SLC27A4: variants seen among roughly 807,000 people sequenced by gnomAD.
SLC27A4 encodes the protein solute carrier family 27 member 4.
In SLC27A4, 33 loss-of-function variants were observed where a neutral mutation model predicts 64.4. The observed-to-expected ratio is 0.51, with a 90% confidence interval of 0.39 to 0.68. The LOEUF (loss-of-function observed/expected upper bound fraction) is 0.68, where lower values mean the gene tolerates loss of function less well. Among genes scored for constraint, SLC27A4 ranks in the 30% least tolerant of loss-of-function variants. The pLI is 0.00. For missense variants in SLC27A4, 824 were observed against 883.5 expected, an observed-to-expected ratio of 0.93 and a Z score of 0.85; for synonymous variants, 377 against 370.0, an observed-to-expected ratio of 1.02 and a Z score of -0.22.
chr9:128,357,243 CAG>C (rs954315338), intron 12 of SLC27A4, among the ~76,000 whole-genome samples: 1 of 124,236 alleles, frequency 8.0e-6, no homozygotes, highest in Non-Finnish European at 1.6e-5. Flanking sequence ...GCCTGGGAGA[CAG>C]AGTGAGACTC....
rs1832766890 is a variant in SLC27A4 at position 128,353,413 on chromosome 9, A to G, written c.1198-2A>G. On this transcript the variant is annotated splice_acceptor_variant, in intron 8 of 12. Transcript: ENST00000300456. LOFTEE classifies it high-confidence loss of function. This position sits in a 1 kb window ranked among gnomAD's most constrained non-coding sequence, Gnocchi z 4.9. ...CCCAGGCCCAAGTCTTGGCCTTCGC[A>G]GGTGGGGGCCTGTGGTTTCAATAGC... 6.2e-7 allele frequency: 1 copy of G among 1,614,014 alleles called. No homozygotes were observed. The highest frequency in any genetic ancestry group is 1.3e-5 in the African/African-American group (1 of 74,884).
At position 128,342,735 on chromosome 9, in the gene SLC27A4, T is replaced by A. The variant is rs536424785; in HGVS notation, c.-6-392T>A. ...TAATTATTGGAATGCACAGTTTTTT[T>A]AATATGCAAATAAAAAGTTTAAAAA... On this transcript the variant is annotated intron_variant, in intron 1 of 12. Coordinates refer to ENST00000300456, the MANE Select transcript of SLC27A4 (RefSeq NM_005094.4). The A allele has an allele frequency of 1.5e-4, 51 of 338,388 alleles. 1 individual carries two copies. The South Asian group carries it at 1.6e-3, about 10-fold the overall frequency. The allele number at this position is 338,388 out of a possible 1,614,324, so 21.0% of individuals were successfully genotyped here.
At position 128,355,863 on chromosome 9, in the gene SLC27A4, G is replaced by A. The variant is rs527777045; in HGVS notation, c.1774+67G>A. ...TTCCCGTTTCCTTCTGGAGAGACCC[G>A]GTTGGCTGTTACTTGACCTCTGCAC... On this transcript the variant is annotated intron_variant, in intron 12 of 12. Transcript: ENST00000300456. The A allele has an allele frequency of 4.5e-5, 72 of 1,601,376 alleles. No individual in the cohort carries two copies. The Admixed American group carries it at 6.2e-4, about 14-fold the overall frequency.
In SLC27A4 at chr9:128,343,190, C is replaced by G. The variant is rs374100993; in HGVS notation, c.58C>G (p.Leu20Val). ...GCTGTTCTCCAAGCTGGTGCTGAAA[C>G]TGCCCTGGACCCAGGTGGGATTCTC... ...VLLFSKLVLK[L>V]PWTQVGFSLL... The change falls in exon 2 of 13, where the codon CTG (leucine) becomes GTG (valine). Residue 20 changes from leucine to valine, a missense_variant. By Grantham distance (32) the Leu-to-Val change is conservative. Transcript: ENST00000300456. The G allele has an allele frequency of 1.7e-5, 27 of 1,614,062 alleles. No homozygotes were observed. The African/African-American group carries it at 3.1e-4, about 18-fold the overall frequency.
At position 128,348,580 on chromosome 9, in the gene SLC27A4, C is replaced by G; in HGVS notation, c.592C>G (p.Leu198Val). The change falls in exon 4 of 13, where the codon CTC becomes GTC. Residue 198 changes from leucine (L) to valine (V), a missense_variant. Coordinates refer to ENST00000300456, the MANE Select transcript of SLC27A4 (RefSeq NM_005094.4). ...CEVHASLDPS[L>V]SLFCSGSWEP... Reference sequence around the variant, plus strand: ...GGTCCATGCCAGCCTGGACCCCTCGCTCAGCCTCTTCTGCTCTGGCTCCTG... The same window carrying G: ...GGTCCATGCCAGCCTGGACCCCTCGGTCAGCCTCTTCTGCTCTGGCTCCTG... 1 of 1,613,532 alleles carries G rather than the reference C, an allele frequency of 6.2e-7. No individual in the cohort carries two copies. The highest frequency in any genetic ancestry group is 8.5e-7 in the Non-Finnish European group (1 of 1,180,022).
intron 3 of SLC27A4, among the ~76,000 whole-genome samples, chr9:128,347,637 G>A (rs1832675587): frequency 6.7e-6 from 1 of 148,612 alleles, no homozygotes; most frequent in East Asian, 2.0e-4. Flanking sequence ...TGAGGCACAA[G>A]AATCACTTGA....
Position 128,344,460 on chromosome 9 carries a change from A to G in SLC27A4, c.162-695A>G, listed in dbSNP as rs117982161. Among the ~76,000 whole-genome samples, 572 of 152,214 alleles carry G rather than the reference A, an allele frequency of 3.8e-3. 18 individuals are homozygous for G. The East Asian group carries it at 0.086, about 23-fold the overall frequency. ...TTTGAGCCTGGGAAGTGGAGGTTGC[A>G]ATGAGCTGACATTGCATCACTGCAC... is the stretch of plus-strand genomic sequence containing the variant. On this transcript the variant is annotated intron_variant, in intron 2 of 12. Transcript: ENST00000300456.
rs367871179 is a variant in SLC27A4, at chr9:128,353,454, G to A, written c.1237G>A (p.Val413Met). The change falls in exon 9 of 13, where the codon GTG becomes ATG. Residue 413 changes from valine to methionine, a missense_variant. Physicochemically the swap from Val to Met is conservative, Grantham distance 21 (BLOSUM62 1). Coordinates refer to ENST00000300456, the MANE Select transcript of SLC27A4 (RefSeq NM_005094.4). The surrounding 1 kb of genome is among the most constrained non-coding windows in gnomAD (Gnocchi z 4.9). ...TTTCAATAGCCGCATCCTGTCCTTC[G>A]TGTACCCCATCCGGTTGGTACGTGT... ...CGFNSRILSFVYPIRLVRVNE... is the reference protein window; with the variant it reads ...CGFNSRILSFMYPIRLVRVNE... 1.5e-4 allele frequency: 245 copies of A among 1,613,968 alleles called. No individual in the cohort carries two copies. The highest frequency in any genetic ancestry group is 2.9e-4 in the East Asian group (13 of 44,868).
In SLC27A4 at chr9:128,345,522, C is replaced by G. The variant is rs1832643941; in HGVS notation, c.529C>G (p.Leu177Val). The change falls in exon 3 of 13, where the codon CTT becomes GTT. Residue 177 changes from leucine (L) to valine (V), a missense_variant. Leu to Val is a conservative substitution (Grantham distance 32, BLOSUM62 1). Transcript: ENST00000300456. This position sits in a 1 kb window ranked among gnomAD's most constrained non-coding sequence, Gnocchi z 4.1. The stretch of plus-strand genomic sequence containing the variant: ...CCTCACCACCTCGCGCGCACGGGCC[C>G]TTGTCTTTGGCAGCGAAATGGCCTC... ...HCLTTSRARALVFGSEMASAI... is the reference protein window; with the variant it reads ...HCLTTSRARAVVFGSEMASAI... The G allele has an allele frequency of 6.2e-7, 1 of 1,608,288 alleles. No individual in the cohort carries two copies. The highest frequency in any genetic ancestry group is 8.5e-7 in the Non-Finnish European group (1 of 1,178,008).
At chr9:128,354,805 T>C (rs145966060) in intron 9 of SLC27A4, among the ~76,000 whole-genome samples, 2 of 151,306 alleles carry the variant, frequency 1.3e-5, no homozygotes, top group African/African-American at 4.9e-5. Flanking sequence ...AAAAAAAAAT[T>C]AGCTGGGCCT....
At chr9:128,360,079 C>G (rs974812804) in intron 12 of SLC27A4, among the ~76,000 whole-genome samples, 1 of 152,228 alleles carries the variant, frequency 6.6e-6, no homozygotes, top group African/African-American at 2.4e-5. Flanking sequence ...GGCAAATAGC[C>G]TCCCTTCTCC....
At position 128,348,566 on chromosome 9, in the gene SLC27A4, G is replaced by A; in HGVS notation, c.578G>A (p.Ser193Asn). The A allele has an allele frequency of 1.2e-6, 2 of 1,613,264 alleles. No individual in the cohort carries two copies. Among genetic ancestry groups the A allele is most frequent in the Non-Finnish European group, 1.7e-6 (2 of 1,180,038 alleles). ...MASAICEVHA[S>N]LDPSLSLFCS... ...ACAGCCATCTGTGAGGTCCATGCCA[G>A]CCTGGACCCCTCGCTCAGCCTCTTC... The change falls in exon 4 of 13, where the codon AGC (serine) becomes AAC (asparagine). Residue 193 changes from serine to asparagine, a missense_variant. By Grantham distance (46) the Ser-to-Asn change is conservative (BLOSUM62 1). Coordinates refer to ENST00000300456, the MANE Select transcript of SLC27A4 (RefSeq NM_005094.4).
intron 4 of SLC27A4, among the ~76,000 whole-genome samples, chr9:128,349,317 C>T (rs1196256707): frequency 2.0e-5 from 3 of 152,166 alleles, no homozygotes; most frequent in Admixed American, 2.0e-4. Context: ...GAGTTTATAT[C>T]CTGGTTCTAC....
rs535965221 is a variant in SLC27A4, at chr9:128,360,590, C to T, written c.*99C>T. 31 of 1,282,124 alleles carry T rather than the reference C, an allele frequency of 2.4e-5. No homozygotes were observed. In the South Asian group the frequency reaches 3.7e-4, roughly 15 times the overall value. 79.4% of individuals were successfully genotyped at this position (1,282,124 alleles called of 1,614,324 possible). The stretch of plus-strand genomic sequence containing the variant: ...CAAGGCCAGACCAAAGCAAGCAGGG[C>T]CTGGCACCTCCATCCTGAGGTGCTG... On this transcript the variant is annotated 3_prime_UTR_variant, in exon 13 of 13. Transcript: ENST00000300456.
chr9:128,360,234 G>A (rs1203237655), intron 12 of SLC27A4, 100 bp from the exon 13 acceptor site: 3 of 1,340,254 alleles, frequency 2.2e-6, no homozygotes, highest in Non-Finnish European at 3.2e-6. Context: ...TCCCCTGTTT[G>A]TCCTCCAGCC....
Position 128,345,488 on chromosome 9 carries a change from G to C in SLC27A4, c.495G>C (p.Leu165=). The C allele has an allele frequency of 6.2e-7, 1 of 1,612,368 alleles. No individual in the cohort carries two copies. The highest frequency in any genetic ancestry group is 8.5e-7 in the Non-Finnish European group (1 of 1,179,604). ...ACACCAACCTGCGGCGGGATGCTCT[G>C]CTCCACTGCCTCACCACCTCGCGCG... ...LINTNLRRDA[L]LHCLTTSRAR... is the part of the protein sequence containing the mutation. The change falls in exon 3 of 13, where the codon CTG becomes CTC. Residue 165 remains leucine, a synonymous_variant. Transcript: ENST00000300456. The surrounding 1 kb of genome is among the most constrained non-coding windows in gnomAD (Gnocchi z 4.1).
intron 1 of SLC27A4, 51 bp downstream of exon 1, chr9:128,340,889 C>T (rs1193622537): frequency 3.6e-6 from 2 of 551,678 alleles, no homozygotes; most frequent in Admixed American, 3.0e-5. Flanking sequence ...TGTGCCAGGC[C>T]GAGTCGGGCG....
At chr9:128,347,084 G>T (rs772861294) in intron 3 of SLC27A4, among the ~76,000 whole-genome samples, 31 of 152,144 alleles carry the variant, frequency 2.0e-4, no homozygotes, top group Non-Finnish European at 3.7e-4. Flanking sequence ...AATCATCCTT[G>T]TGACTAATTA....
In SLC27A4 at chr9:128,355,829, C is replaced by T. The variant is rs978908913; in HGVS notation, c.1774+33C>T. On this transcript the variant is annotated intron_variant, in intron 12 of 12. Transcript: ENST00000300456. ...CCTCCCCTGCTCCAGCTCTCGGATC[C>T]CAGGTCCCTTCCCGTTTCCTTCTGG... 6.8e-6 allele frequency: 11 copies of T among 1,610,618 alleles called. No individual in the cohort carries two copies. The African/African-American group carries it at 1.2e-4, about 18-fold the overall frequency.
Sources: gnomAD v4.1 joint callset for allele counts (sites outside exome capture counted in the v4.1 genomes callset) on GRCh38, gnomAD v4.1.1 for gene constraint, Gnocchi (gnomAD v3.1) non-coding constraint, MANE v1.5 for transcripts, NCBI Gene and HGNC (gene_info 2026-07-23, HGNC 2026-07-21) for gene names.